GAS7: variants seen among roughly 807,000 people sequenced by gnomAD.
GAS7 encodes the protein growth arrest-specific protein 7.
A neutral mutation model predicts 71.1 loss-of-function variants in GAS7; 28 were observed. That is an observed-to-expected ratio of 0.39 (90% CI 0.29 to 0.54). The LOEUF (loss-of-function observed/expected upper bound fraction) is 0.54. Ranked by LOEUF, GAS7 falls within the 20% of genes least tolerant of loss-of-function variation. GAS7 has a pLI of 0.62. For synonymous variants in GAS7, 258 were observed against 245.8 expected (o/e 1.05, Z -0.46); for missense variants, 436 against 627.8 (o/e 0.69, Z 3.27).
chr17:10,198,441 C>G lies in GAS7; in HGVS notation c.-51G>C, dbSNP rs374153647. The G allele has an allele frequency of 5.2e-6, 7 of 1,358,996 alleles. No homozygotes were observed. The Admixed American group carries it at 2.1e-4, about 41-fold the overall frequency. 84.2% of individuals were successfully genotyped at this position (1,358,996 alleles called of 1,614,324 possible). A position where few individuals can be genotyped will look rare whatever the true frequency, so the allele number is the denominator to read the frequency against. ...CAGCCTGCATTCCCGCCGAGCCCCA[C>G]GGGCTGGGCAGCGGCTCCGCGGGGT... On this transcript the variant is annotated 5_prime_UTR_variant, in exon 1 of 14. Coordinates refer to ENST00000432992, the MANE Select transcript of GAS7 (RefSeq NM_201433.2).
intron 1 of GAS7, among the ~76,000 whole-genome samples, chr17:10,094,301 C>A (rs2073618737): frequency 6.6e-6 from 1 of 152,130 alleles, no homozygotes; most frequent in African/African-American, 2.4e-5. Context: ...TGGGTCATTC[C>A]TGAAGGATAT....
chr17:10,158,354 A>AC (rs2074222642), intron 1 of GAS7, among the ~76,000 whole-genome samples: 1 of 151,072 alleles, frequency 6.6e-6, no homozygotes, highest in South Asian at 2.1e-4. Flanking sequence ...AAAAAAAAAA[A>AC]AAAAAACAAG....
chr17:10,044,740 T>C (rs911186078), intron 1 of GAS7, among the ~76,000 whole-genome samples: 3 of 152,180 alleles, frequency 2.0e-5, no homozygotes, highest in Non-Finnish European at 4.4e-5. Context: ...TTCAAATCCA[T>C]TGTCTGAGGG....
At chr17:10,135,122 C>T (rs1597811814) in intron 1 of GAS7, among the ~76,000 whole-genome samples, 2 of 152,264 alleles carry the variant, frequency 1.3e-5, no homozygotes, top group Non-Finnish European at 2.9e-5. Context: ...TGAGCCAACG[C>T]AGCCCGGCCT....
intron 1 of GAS7, among the ~76,000 whole-genome samples, chr17:10,121,916 G>A (rs888253015): frequency 2.6e-5 from 4 of 152,106 alleles, no homozygotes; most frequent in African/African-American, 7.2e-5. Flanking sequence ...AAACCACTGA[G>A]ACCAGTTCTC....
chr17:10,095,766 G>A (rs555037357), intron 1 of GAS7, among the ~76,000 whole-genome samples: 1 of 147,750 alleles, frequency 6.8e-6, no homozygotes, highest in African/African-American at 2.5e-5. Flanking sequence ...TCATGCCACT[G>A]CACTCCAGCC....
At chr17:10,157,429 G>A (rs796685328) in intron 1 of GAS7, among the ~76,000 whole-genome samples, 69 of 152,306 alleles carry the variant, frequency 4.5e-4, no homozygotes, top group African/African-American at 1.6e-3. Flanking sequence ...TCTGGCAGCC[G>A]TTGGTCAAAC....
intron 1 of GAS7, among the ~76,000 whole-genome samples, chr17:10,107,663 G>C (rs576422735): frequency 1.3e-5 from 2 of 148,846 alleles, no homozygotes; most frequent in East Asian, 4.0e-4. Flanking sequence ...CAGTCCAGTG[G>C]TGGTGGGCTG....
chr17:9,943,037 C>T lies in GAS7; in HGVS notation c.731+84G>A, dbSNP rs547175284. 5.8e-4 allele frequency: 477 copies of T among 818,342 alleles called. 6 individuals carry two copies. The South Asian group carries it at 6.7e-3, about 12-fold the overall frequency. 50.7% of individuals were successfully genotyped at this position (818,342 alleles called of 1,614,324 possible). On this transcript the variant is annotated intron_variant, in intron 7 of 13. Coordinates refer to ENST00000432992, the MANE Select transcript of GAS7 (RefSeq NM_201433.2). ...CAATGCTGAGTGTGCAGTACTGAGT[C>T]CTGTGCTGTCGCCCCGCCCCGGCCA...
chr17:10,069,856 A>C (rs1338899457), intron 1 of GAS7, among the ~76,000 whole-genome samples: 1 of 152,210 alleles, frequency 6.6e-6, no homozygotes, highest in Non-Finnish European at 1.5e-5. Context: ...AGAAATCTAT[A>C]ATAACCATAA....
chr17:9,917,411 A>C lies in GAS7; in HGVS notation c.1318-70T>G, dbSNP rs1256654902. 3.2e-5 allele frequency: 36 copies of C among 1,119,014 alleles called. No individual in the cohort carries two copies. The South Asian group carries it at 4.4e-4, about 14-fold the overall frequency. 69.3% of individuals were successfully genotyped at this position (1,119,014 alleles called of 1,614,324 possible). The stretch of plus-strand genomic sequence containing the variant: ...AAGCCAGGGAGGTCTCCTCTGAGAC[A>C]TGCTGTCCTCACCTTAGTGTCTCTG... On this transcript the variant is annotated intron_variant, in intron 13 of 13. Coordinates refer to ENST00000432992, the MANE Select transcript of GAS7 (RefSeq NM_201433.2).
chr17:10,187,531 G>A (rs1051960520), intron 1 of GAS7, among the ~76,000 whole-genome samples: 12 of 152,044 alleles, frequency 7.9e-5, no homozygotes, highest in African/African-American at 2.7e-4. Flanking sequence ...ACTTCACTCC[G>A]GAATCATCTG....
rs1008051240 is a variant in GAS7 at position 9,965,094 on chromosome 17, C to T, written c.471+4583G>A. 8.5e-5 allele frequency among the ~76,000 whole-genome samples: 13 copies of T among 152,252 alleles called. 1 individual carries two copies. The highest frequency in any genetic ancestry group is 3.9e-4 in the East Asian group (2 of 5,178). On this transcript the variant is annotated intron_variant, in intron 4 of 13. Coordinates refer to ENST00000432992, the MANE Select transcript of GAS7 (RefSeq NM_201433.2). ...GGAAGGGAAGGGACCCACTAGGACG[C>T]GATTCTGCAAAGGCAGCAAGACTAT...
At chr17:10,093,377 C>A (rs1305992675) in intron 1 of GAS7, among the ~76,000 whole-genome samples, 1 of 151,814 alleles carries the variant, frequency 6.6e-6, no homozygotes, top group Non-Finnish European at 1.5e-5. Flanking sequence ...TGAGACCATC[C>A]TGGCTAACAT....
At chr17:10,134,826 T>C (rs1332294896) in intron 1 of GAS7, among the ~76,000 whole-genome samples, 1 of 150,882 alleles carries the variant, frequency 6.6e-6, no homozygotes, top group Non-Finnish European at 1.5e-5. Flanking sequence ...TGCACTCATA[T>C]TTACATCCAC....
intron 2 of GAS7, among the ~76,000 whole-genome samples, chr17:9,996,140 C>T (rs2071031893): frequency 6.6e-6 from 1 of 152,136 alleles, no homozygotes; most frequent in Admixed American, 6.6e-5. Context: ...TTTATTGTGG[C>T]ACTATTCACA....
At chr17:10,032,051 T>A (rs1227795650) in intron 1 of GAS7, among the ~76,000 whole-genome samples, 2 of 125,744 alleles carry the variant, frequency 1.6e-5, no homozygotes, top group Non-Finnish European at 3.2e-5. Flanking sequence ...GCTCCAGAAA[T>A]AACAAGGGAA....
At chr17:10,165,950 G>A (rs565064738) in intron 1 of GAS7, among the ~76,000 whole-genome samples, 19 of 151,878 alleles carry the variant, frequency 1.3e-4, no homozygotes, top group African/African-American at 4.4e-4. Context: ...GGTCGGCCTC[G>A]CAGAGGTCTC....
At chr17:10,066,290 C>T (rs1169913866) in intron 1 of GAS7, among the ~76,000 whole-genome samples, 1 of 152,178 alleles carries the variant, frequency 6.6e-6, no homozygotes, top group Non-Finnish European at 1.5e-5. Context: ...AAGCGATTCT[C>T]CTGCCTCAGC....
Sources: allele counts gnomAD v4.1 joint callset (sites outside exome capture counted in the v4.1 genomes callset), GRCh38; gene constraint gnomAD v4.1.1; transcripts MANE v1.5; gene names NCBI Gene and HGNC (gene_info 2026-07-23, HGNC 2026-07-21).